The following USP20 variants were observed in gnomAD, a reference collection of about 807,000 sequenced individuals.
USP20 encodes the protein ubiquitin carboxyl-terminal hydrolase 20.
A neutral mutation model predicts 124.2 loss-of-function variants in USP20; 80 were observed. The observed-to-expected ratio is 0.64, with a 90% CI of 0.54 to 0.78. The LOEUF (loss-of-function observed/expected upper bound fraction) is 0.78, where lower values mean the gene tolerates loss of function less well. USP20 is among the 30% of genes least tolerant of loss of function. The probability of loss-of-function intolerance (pLI) is 0.00; values close to 1 mark genes in which losing one functional copy is unlikely to be tolerated. For synonymous variants in USP20, 481 were observed against 512.3 expected, an observed-to-expected ratio of 0.94 and a Z score of 0.83; for missense variants, 1,043 against 1,244.4, an observed-to-expected ratio of 0.84 and a Z score of 2.44.
intron 3 of USP20, among the ~76,000 whole-genome samples, chr9:129,856,040 A>G (rs965803941): frequency 1.3e-5 from 2 of 152,254 alleles, no homozygotes; most frequent in Non-Finnish European, 2.9e-5. Context: ...AGATTAGGTT[A>G]TAGACACTAA....
Position 129,878,378 on chromosome 9 carries a change from T to G in USP20, c.2450T>G (p.Ile817Ser). Residue 817 changes from isoleucine to serine, a missense_variant, in exon 23 of 26, where the codon ATC becomes AGC. Ile to Ser is a moderately radical substitution (Grantham distance 142). Transcript: ENST00000372429. ...AFQAEESPGV[I>S]YCISMQWFRE... Reference sequence around the variant, plus strand: ...CAGGCCGAGGAGTCGCCGGGCGTCATCTACTGCATCAGCATGCAGTGGTTC... The same window carrying G: ...CAGGCCGAGGAGTCGCCGGGCGTCAGCTACTGCATCAGCATGCAGTGGTTC... The G allele has an allele frequency of 6.2e-7, 1 of 1,609,384 alleles. No individual in the cohort carries two copies. Among genetic ancestry groups the G allele is most frequent in the Non-Finnish European group, 8.5e-7 (1 of 1,177,976 alleles).
At position 129,839,634 on chromosome 9, in the gene USP20, G is replaced by T. The variant is rs1008317347; in HGVS notation, c.-129+4135G>T. Among the ~76,000 whole-genome samples the T allele has an allele frequency of 6.6e-6, 1 of 152,102 alleles. No homozygotes were observed. Among genetic ancestry groups the T allele is most frequent in the Admixed American group, 6.5e-5 (1 of 15,274 alleles). On this transcript the variant is annotated intron_variant, in intron 1 of 25. Transcript: ENST00000372429. The surrounding 1 kb of genome is among the most constrained non-coding windows in gnomAD (Gnocchi z 4.5). ...GCACACACCCTGTGCGGGGCTGGGG[G>T]TGTGAGATGGCTAATGTGGTTGGGG...
At chr9:129,854,437 T>A (rs539002869) in intron 3 of USP20, among the ~76,000 whole-genome samples, 1 of 152,308 alleles carries the variant, frequency 6.6e-6, no homozygotes, top group Admixed American at 6.5e-5. Context: ...ATGTACAGAC[T>A]TGGGTGACCC....
At chr9:129,877,156 C>T (rs535871119) in intron 22 of USP20, among the ~76,000 whole-genome samples, 101 of 152,326 alleles carry the variant, frequency 6.6e-4, no homozygotes, top group Non-Finnish European at 1.2e-3. Context: ...AGGGTTAGGA[C>T]GTGTTCCACT....
chr9:129,868,188 C>T lies in USP20; in HGVS notation c.874C>T (p.Arg292Trp), dbSNP rs200682190. Residue 292 changes from arginine (R) to tryptophan (W), a missense_variant, in exon 11 of 26, where the codon CGG (arginine) becomes TGG (tryptophan). Physicochemically the swap from Arg to Trp is moderately radical, Grantham distance 101. Coordinates refer to ENST00000372429, the MANE Select transcript of USP20 (RefSeq NM_001110303.4). ...CTTGTCCTGTGACTCGAGCAGTGAC[C>T]GGGGTGAGGGTGACGGGCAGGGGCG... ...EFLSCDSSSD[R>W]GEGDGQGRGG... The T allele has an allele frequency of 1.5e-5, 25 of 1,613,824 alleles. No individual in the cohort carries two copies. In the East Asian group the frequency reaches 2.7e-4, roughly 17 times the overall value.
In USP20 at chr9:129,839,194, A is replaced by G. The variant is rs2032049452; in HGVS notation, c.-129+3695A>G. 6.6e-6 allele frequency among the ~76,000 whole-genome samples: 1 copy of G among 152,100 alleles called. No homozygotes were observed. The highest frequency in any genetic ancestry group is 2.4e-5 in the African/African-American group (1 of 41,398). ...AGTAGCTGTGTGACCTTAGCCAGTT[A>G]TTCCACTTCTCTGAGCCTCGGTGTC... On this transcript the variant is annotated intron_variant, in intron 1 of 25. Coordinates refer to ENST00000372429, the MANE Select transcript of USP20 (RefSeq NM_001110303.4). The surrounding 1 kb of genome is among the most constrained non-coding windows in gnomAD (Gnocchi z 4.5).
In USP20 at chr9:129,879,516, T is replaced by TGTGGAGG. The variant is rs1483037694; in HGVS notation, c.2513-48_2513-42dup. On this transcript the variant is annotated intron_variant, in intron 23 of 25. Transcript: ENST00000372429. The surrounding 1 kb of genome is among the most constrained non-coding windows in gnomAD (Gnocchi z 4.2). ...GCCCCACTTGGGATGGCTCTGCTGC[T>TGTGGAGG]GTGGAGGGTGGAGGGCATGGCAGGG... 4 of 1,588,670 alleles carry TGTGGAGG rather than the reference T, an allele frequency of 2.5e-6. No individual in the cohort carries two copies. The highest frequency in any genetic ancestry group is 3.5e-6 in the Non-Finnish European group (4 of 1,159,118).
chr9:129,843,498 G>C (rs1292864156), intron 1 of USP20, among the ~76,000 whole-genome samples: 4 of 152,098 alleles, frequency 2.6e-5, no homozygotes, highest in Admixed American at 1.3e-4. Flanking sequence ...CACTTGAGAA[G>C]CTGAGGCAGG....
rs2033863785 is a variant in USP20 at position 129,867,259 on chromosome 9, TCA to T, written c.691-745_691-744del. On this transcript the variant is annotated intron_variant, in intron 10 of 25. Coordinates refer to ENST00000372429, the MANE Select transcript of USP20 (RefSeq NM_001110303.4). ...CACCCCCTGTGTGAGCACACAGATC[TCA>T]GTGGGGCTCACTGGGCGCCTCTGCC... 3.3e-5 allele frequency among the ~76,000 whole-genome samples: 5 copies of T among 152,254 alleles called. No individual in the cohort carries two copies. In the South Asian group the frequency reaches 1.0e-3, roughly 32 times the overall value.
At chr9:129,835,965 C>T (rs920371872) in intron 1 of USP20, 25 of 152,236 alleles carry the variant, frequency 1.6e-4, no homozygotes, top group African/African-American at 5.8e-4. Context: ...CCAGCTTCTC[C>T]GCGAGGAGAG....
intron 9 of USP20, among the ~76,000 whole-genome samples, chr9:129,864,356 A>G (rs2033714194): frequency 6.6e-6 from 1 of 151,688 alleles, no homozygotes; most frequent in Non-Finnish European, 1.5e-5. Flanking sequence ...GGTCCCAGCT[A>G]CTCAGGAGGC....
chr9:129,863,007 T>G (rs2131072184), intron 8 of USP20, among the ~76,000 whole-genome samples, 179 bp from the exon 9 acceptor site: 1 of 152,270 alleles, frequency 6.6e-6, no homozygotes, highest in Admixed American at 6.5e-5. Flanking sequence ...AGATGAATTT[T>G]GGAGGATACA....
intron 1 of USP20, among the ~76,000 whole-genome samples, chr9:129,847,526 C>T (rs2032651867): frequency 6.6e-6 from 1 of 152,052 alleles, no homozygotes; most frequent in African/African-American, 2.4e-5. Flanking sequence ...TGGTCTCCAA[C>T]TCCTGATCTC....
chr9:129,879,455 A>G lies in USP20; in HGVS notation c.2513-118A>G, dbSNP rs1002899896. On this transcript the variant is annotated intron_variant, in intron 23 of 25. Transcript: ENST00000372429. The surrounding 1 kb of genome is among the most constrained non-coding windows in gnomAD (Gnocchi z 4.2). ...ATTGGGTGGCTCAGGCGCCTCATCCATTAGAGACTTCACGCTGACCCCCAG... is the reference window on the plus strand; with the variant it reads ...ATTGGGTGGCTCAGGCGCCTCATCCGTTAGAGACTTCACGCTGACCCCCAG... The G allele has an allele frequency of 4.1e-6, 4 of 979,652 alleles. No individual in the cohort carries two copies. In the African/African-American group the frequency reaches 4.8e-5, roughly 12 times the overall value. 60.7% of individuals were successfully genotyped at this position (979,652 alleles called of 1,614,324 possible). A position where few individuals can be genotyped will look rare whatever the true frequency, so the allele number is the denominator to read the frequency against.
rs553073980 is a variant in USP20 at position 129,846,180 on chromosome 9, C to T, written c.-128-3633C>T. ...TCCTGACCTCATGGTCCTCCCGCCT[C>T]GGCCTCCCAAAGTGCTGGGGTTACA... On this transcript the variant is annotated intron_variant, in intron 1 of 25. Transcript: ENST00000372429. 1.7e-3 allele frequency among the ~76,000 whole-genome samples: 249 copies of T among 148,194 alleles called. 1 individual carries two copies. The highest frequency in any genetic ancestry group is 0.016 in the South Asian group (73 of 4,670).
intron 21 of USP20, among the ~76,000 whole-genome samples, chr9:129,875,925 C>CACAGCTGAGTGTGTTGGCCATCTGCTT (rs1222948326): frequency 1.6e-4 from 1 of 6,398 alleles, no homozygotes; most frequent in East Asian, 0.031. Flanking sequence ...GCCATCTGCT[C>CACAGCTGAGTGTGTTGGCCATCTGCTT]TTCAGCCTTG....
At chr9:129,858,287 C>T (rs1014490692) in intron 5 of USP20, among the ~76,000 whole-genome samples, 175 bp downstream of exon 5, 1 of 51,538 alleles carries the variant, frequency 1.9e-5, no homozygotes, top group Non-Finnish European at 4.6e-5. Context: ...GCATCTGCAC[C>T]ATTTGATAAG....
intron 1 of USP20, among the ~76,000 whole-genome samples, chr9:129,843,164 G>A (rs909494856): frequency 2.0e-5 from 3 of 149,022 alleles, no homozygotes; most frequent in East Asian, 2.0e-4. Flanking sequence ...GCATGGTGGC[G>A]TACACCTGTA....
chr9:129,852,842 C>T (rs533775995), intron 3 of USP20, among the ~76,000 whole-genome samples: 1 of 152,218 alleles, frequency 6.6e-6, no homozygotes, highest in East Asian at 1.9e-4. Context: ...TTAGACAAGG[C>T]CATTTGGGAA....
Sources: gnomAD v4.1 joint callset for allele counts (sites outside exome capture counted in the v4.1 genomes callset) on GRCh38, gnomAD v4.1.1 for gene constraint, Gnocchi (gnomAD v3.1) non-coding constraint, MANE v1.5 for transcripts, NCBI Gene and HGNC (gene_info 2026-07-23, HGNC 2026-07-21) for gene names.